FYB1: variants seen among roughly 807,000 people sequenced by gnomAD.
The protein encoded by FYB1 is FYN binding protein 1.
A neutral mutation model predicts 94.1 loss-of-function variants in FYB1; 41 were observed. The ratio of observed to expected loss-of-function variants is 0.44; its 90% CI spans 0.34 to 0.57. The LOEUF is 0.57. Among genes scored for constraint, FYB1 ranks in the 20% least tolerant of loss-of-function variants. FYB1 has a pLI of 0.02. For synonymous variants in FYB1, 367 were observed against 353.2 expected (o/e 1.04, Z -0.44); for missense variants, 1,050 against 976.8 (o/e 1.07, Z -1.00).
intron 1 of FYB1, among the ~76,000 whole-genome samples, chr5:39,225,503 A>T (rs1750434481): frequency 6.6e-6 from 1 of 151,840 alleles, no homozygotes; most frequent in African/African-American, 2.4e-5. Flanking sequence ...ACTTATGAAA[A>T]CTCACTGCCC....
chr5:39,205,546 T>A (rs932658419), intron 1 of FYB1, among the ~76,000 whole-genome samples: 4 of 152,220 alleles, frequency 2.6e-5, no homozygotes, highest in African/African-American at 9.7e-5. Context: ...TTTTAAGTGG[T>A]ATCCTACTTA....
chr5:39,115,115 A>G (rs1310312046), intron 16 of FYB1, among the ~76,000 whole-genome samples: 1 of 122,876 alleles, frequency 8.1e-6, no homozygotes, highest in Non-Finnish European at 1.7e-5. Flanking sequence ...TTTTTTTTTG[A>G]GATGGCGTCT....
intron 2 of FYB1, among the ~76,000 whole-genome samples, chr5:39,196,497 G>A (rs189165626): frequency 6.9e-4 from 105 of 152,212 alleles, no homozygotes; most frequent in Admixed American, 1.7e-3. Context: ...ACCCGGTCTG[G>A]TTAAATAGAA....
intron 1 of FYB1, among the ~76,000 whole-genome samples, chr5:39,273,164 G>A (rs919036023): frequency 5.3e-5 from 8 of 152,240 alleles, no homozygotes; most frequent in East Asian, 1.9e-4. Flanking sequence ...CATTGAGAAC[G>A]GGCCATGATG....
intron 2 of FYB1, among the ~76,000 whole-genome samples, chr5:39,166,722 T>A (rs1007276876): frequency 6.6e-6 from 1 of 152,100 alleles, no homozygotes; most frequent in Non-Finnish European, 1.5e-5. Context: ...AAAAAGCACC[T>A]GTTCTCACTT....
intron 1 of FYB1, among the ~76,000 whole-genome samples, chr5:39,211,507 G>A (rs1156783433): frequency 6.6e-6 from 1 of 151,908 alleles, no homozygotes; most frequent in Admixed American, 6.6e-5. Flanking sequence ...ATTTTTAGCA[G>A]AGACAGGGTT....
chr5:39,208,200 T>C (rs1017143916), intron 1 of FYB1, among the ~76,000 whole-genome samples: 4 of 152,302 alleles, frequency 2.6e-5, no homozygotes, highest in African/African-American at 9.6e-5. Flanking sequence ...CTAATGAATT[T>C]AAAATGACTT....
rs548592223 is a variant in FYB1 at position 39,140,414 on chromosome 5, A to G, written c.1339+681T>C. Among the ~76,000 whole-genome samples the G allele has an allele frequency of 7.6e-4, 116 of 152,350 alleles. 1 individual carries two copies. Among genetic ancestry groups the G allele is most frequent in the Middle Eastern group, 6.8e-3 (2 of 294 alleles). The stretch of plus-strand genomic sequence containing the variant: ...CTCAAGAGTAAGCAGAGATATAGAA[A>G]TTAAAAGGAGATATAATTTGATTCA... On this transcript the variant is annotated intron_variant, in intron 4 of 18. Transcript: ENST00000512982.
At chr5:39,135,097 T>C (rs1016139152) in intron 7 of FYB1, 83 bp from the exon 8 acceptor site, 2 of 1,446,698 alleles carry the variant, frequency 1.4e-6, no homozygotes, top group African/African-American at 1.4e-5. Flanking sequence ...AAGATATAAG[T>C]CTACAACTTG....
At chr5:39,184,699 G>C (rs1354336927) in intron 2 of FYB1, among the ~76,000 whole-genome samples, 1 of 152,014 alleles carries the variant, frequency 6.6e-6, no homozygotes, top group African/African-American at 2.4e-5. Context: ...CCATCAGTTT[G>C]TTAGTGTTAC....
Position 39,105,842 on chromosome 5 carries a change from T to A in FYB1, c.*1601A>T, listed in dbSNP as rs748368300. 1 of 152,146 alleles carries A rather than the reference T, an allele frequency of 6.6e-6. No individual in the cohort carries two copies. The highest frequency in any genetic ancestry group is 1.5e-5 in the Non-Finnish European group (1 of 68,030). The allele number at this position is 152,146 out of a possible 1,614,324, so 9.4% of individuals were successfully genotyped here. On this transcript the variant is annotated 3_prime_UTR_variant, in exon 19 of 19. Transcript: ENST00000512982. The stretch of plus-strand genomic sequence containing the variant: ...CATAATTGGAGGGAATCTTTGGAGA[T>A]TAGTGGCATCTAATCTTGGGGCCTC...
chr5:39,171,781 AG>A (rs1334493607), intron 2 of FYB1, among the ~76,000 whole-genome samples: 4 of 152,332 alleles, frequency 2.6e-5, no homozygotes, highest in East Asian at 3.9e-4. Flanking sequence ...ATTGTCTGAG[AG>A]TTCCTTCTGG....
At chr5:39,190,514 A>C (rs964603182) in intron 2 of FYB1, among the ~76,000 whole-genome samples, 1 of 152,146 alleles carries the variant, frequency 6.6e-6, no homozygotes, top group Non-Finnish European at 1.5e-5. Context: ...ACCTGGTTGC[A>C]TGCCACTCAG....
chr5:39,138,600 C>A, intron 6 of FYB1, 57 bp downstream of exon 6: 1 of 1,100,082 alleles, frequency 9.1e-7, no homozygotes, highest in Non-Finnish European at 1.3e-6. Context: ...CTCCCTCATA[C>A]AAAACATTAT....
intron 1 of FYB1, among the ~76,000 whole-genome samples, chr5:39,253,296 T>A (rs1428544044): frequency 6.6e-6 from 1 of 152,126 alleles, no homozygotes; most frequent in African/African-American, 2.4e-5. Flanking sequence ...TATAAGTGAG[T>A]ACTTATTTTC....
intron 1 of FYB1, among the ~76,000 whole-genome samples, chr5:39,227,492 G>A (rs1750532207): frequency 6.6e-6 from 1 of 152,180 alleles, no homozygotes; most frequent in South Asian, 2.1e-4. Context: ...CACATATGTG[G>A]CAACACATTA....
intron 1 of FYB1, among the ~76,000 whole-genome samples, chr5:39,207,811 T>A (rs995629466): frequency 6.6e-6 from 1 of 152,154 alleles, no homozygotes; most frequent in Admixed American, 6.5e-5. Context: ...CTGGGGATGT[T>A]TATCAATGTC....
Position 39,107,229 on chromosome 5 carries a change from C to T in FYB1, c.*214G>A, listed in dbSNP as rs1738606216. On this transcript the variant is annotated 3_prime_UTR_variant, in exon 19 of 19. Coordinates refer to ENST00000512982, the MANE Select transcript of FYB1 (RefSeq NM_001465.6). Reference sequence around the variant, plus strand: ...ATGGAATATTTAATAATTCTTACATCTCACTAATGTAGTCTTCTGAGTTAA... The same window carrying T: ...ATGGAATATTTAATAATTCTTACATTTCACTAATGTAGTCTTCTGAGTTAA... 5.7e-6 allele frequency: 2 copies of T among 350,346 alleles called. No homozygotes were observed. Among genetic ancestry groups the T allele is most frequent in the South Asian group, 1.4e-4 (1 of 7,128 alleles). 21.7% of individuals were successfully genotyped at this position (350,346 alleles called of 1,614,324 possible).
intron 1 of FYB1, among the ~76,000 whole-genome samples, chr5:39,259,359 T>TAA (rs1752121610): frequency 2.6e-5 from 4 of 151,610 alleles, no homozygotes; most frequent in African/African-American, 9.7e-5. Flanking sequence ...GGCTGGTTGA[T>TAA]TTAGTAACGA....
Sources: gnomAD v4.1 joint callset for allele counts (sites outside exome capture counted in the v4.1 genomes callset) on GRCh38, gnomAD v4.1.1 for gene constraint, MANE v1.5 for transcripts, NCBI Gene and HGNC (gene_info 2026-07-23, HGNC 2026-07-21) for gene names.